Variants in FAM222B observed in about 807,000 individuals in gnomAD.
FAM222B encodes the protein protein FAM222B.
FAM222B carries 12 observed loss-of-function variants against 38.0 expected under a neutral mutation model. The ratio of observed to expected loss-of-function variants is 0.32; its 90% CI spans 0.20 to 0.51. FAM222B has a LOEUF of 0.51. Among genes scored for constraint, FAM222B ranks in the 20% least tolerant of loss-of-function variants. FAM222B has a pLI of 0.97. For synonymous variants in FAM222B, 329 were observed against 317.2 expected, an observed-to-expected ratio of 1.04 and a Z score of -0.40; for missense variants, 716 against 754.2, an observed-to-expected ratio of 0.95 and a Z score of 0.59.
At chr17:28,823,212 C>G (rs1370683708) in intron 1 of FAM222B, among the ~76,000 whole-genome samples, 2 of 152,018 alleles carry the variant, frequency 1.3e-5, no homozygotes, top group Admixed American at 6.6e-5. Flanking sequence ...TTTTCCCCCT[C>G]AATCAACTAC....
chr17:28,766,725 A>G lies in FAM222B; in HGVS notation c.-40-18T>C, dbSNP rs2035347453. On this transcript the variant is annotated intron_variant, in intron 1 of 2. Transcript: ENST00000581407. Reference sequence around the variant, plus strand: ...GGCTCACACTGTAATGAACAAAAACAAGGTCATGAAACACAAGGCAACTCA... The same window carrying G: ...GGCTCACACTGTAATGAACAAAAACGAGGTCATGAAACACAAGGCAACTCA... 1 of 1,386,132 alleles carries G rather than the reference A, an allele frequency of 7.2e-7. No homozygotes were observed. The highest frequency in any genetic ancestry group is 1.2e-5 in the South Asian group (1 of 81,006). 85.9% of individuals were successfully genotyped at this position (1,386,132 alleles called of 1,614,324 possible). A position where few individuals can be genotyped will look rare whatever the true frequency, so the allele number is the denominator to read the frequency against.
chr17:28,795,248 G>A (rs1231620399), intron 1 of FAM222B, among the ~76,000 whole-genome samples: 1 of 152,134 alleles, frequency 6.6e-6, no homozygotes, highest in African/African-American at 2.4e-5. Context: ...CACTTCAAGC[G>A]ATTCTCCCAC....
chr17:28,830,843 A>G (rs992509792), intron 1 of FAM222B, among the ~76,000 whole-genome samples: 5 of 151,176 alleles, frequency 3.3e-5, no homozygotes, highest in Non-Finnish European at 7.4e-5. Flanking sequence ...ATAAAATAAA[A>G]TAAAGTTAAA....
intron 1 of FAM222B, among the ~76,000 whole-genome samples, chr17:28,782,803 G>A (rs1172970016): frequency 1.3e-5 from 2 of 151,984 alleles, no homozygotes; most frequent in African/African-American, 4.8e-5. Context: ...AGGAGTTTGT[G>A]TCCACTCTGT....
At chr17:28,813,095 G>T in intron 1 of FAM222B, among the ~76,000 whole-genome samples, 1 of 117,432 alleles carries the variant, frequency 8.5e-6, no homozygotes, top group Non-Finnish European at 1.7e-5. Flanking sequence ...AGTTGGTGGG[G>T]TGGAGAAGGG....
chr17:28,854,923 C>T, intron 1 of FAM222B: 1 of 1,244,726 alleles, frequency 8.0e-7, no homozygotes, highest in East Asian at 2.5e-5. Flanking sequence ...TCCCATGTGT[C>T]TCGGCTTTCA....
chr17:28,789,786 G>A (rs1438097305), intron 1 of FAM222B, among the ~76,000 whole-genome samples: 1 of 152,208 alleles, frequency 6.6e-6, no homozygotes, highest in East Asian at 1.9e-4. Flanking sequence ...ATCTTATTGT[G>A]CAGGAAAGGA....
At chr17:28,781,768 A>G (rs926893294) in intron 1 of FAM222B, among the ~76,000 whole-genome samples, 8 of 152,220 alleles carry the variant, frequency 5.3e-5, no homozygotes, top group Non-Finnish European at 1.0e-4. Context: ...GTTAAGTGAA[A>G]TAAGTCTGAC....
chr17:28,795,940 T>C (rs1029553148), intron 1 of FAM222B, among the ~76,000 whole-genome samples: 1 of 152,304 alleles, frequency 6.6e-6, no homozygotes, highest in South Asian at 2.1e-4. Context: ...AAAAAGCCAT[T>C]AAGACTGCTC....
At position 28,835,024 on chromosome 17, in the gene FAM222B, T is replaced by TTGTGTGTGTGTGTG. The variant is rs61229770; in HGVS notation, c.-41+7644_-41+7657dup. On this transcript the variant is annotated intron_variant, in intron 1 of 2. Transcript: ENST00000581407. The stretch of plus-strand genomic sequence containing the variant: ...CGCCCACCACTACACTCAGCTAATT[T>TTGTGTGTGTGTGTG]TGTGTGTGTGTGTGTGTGTGTGTGT... 8.2e-3 allele frequency among the ~76,000 whole-genome samples: 1,081 copies of TTGTGTGTGTGTGTG among 132,074 alleles called. 6 individuals carry two copies. Among genetic ancestry groups the TTGTGTGTGTGTGTG allele is most frequent in the South Asian group, 0.017 (64 of 3,696 alleles). The allele number at this position is 132,074 out of a possible 152,430, so 86.6% of individuals were successfully genotyped here.
chr17:28,774,954 T>TTAAA (rs534458509), intron 1 of FAM222B, among the ~76,000 whole-genome samples: 2,848 of 148,896 alleles, frequency 0.019, 59 homozygotes, highest in African/African-American at 0.05. Flanking sequence ...AATAAATAAA[T>TTAAA]TAAATAAATA....
At chr17:28,819,585 G>A (rs1296071672) in intron 1 of FAM222B, among the ~76,000 whole-genome samples, 1 of 152,010 alleles carries the variant, frequency 6.6e-6, no homozygotes, top group Admixed American at 6.6e-5. Context: ...AAAATATTTA[G>A]AAGTTTTATG....
At position 28,830,196 on chromosome 17, in the gene FAM222B, C is replaced by CTGT. The variant is rs1384118795; in HGVS notation, c.-41+12483_-41+12485dup. ...TTTTTTTTTGAGAGCGTGTCTCACT[C>CTGT]TGTTGCCCAGGCTGGAGTGCAGTGG... On this transcript the variant is annotated intron_variant, in intron 1 of 2. Transcript: ENST00000581407. Among the ~76,000 whole-genome samples, 13 of 132,782 alleles carry CTGT rather than the reference C, an allele frequency of 9.8e-5. No individual in the cohort carries two copies. The East Asian group carries it at 2.6e-3, about 27-fold the overall frequency. The allele number at this position is 132,782 out of a possible 152,430, so 87.1% of individuals were successfully genotyped here. A position where few individuals can be genotyped will look rare whatever the true frequency, so the allele number is the denominator to read the frequency against.
upstream of FAM222B, among the ~76,000 whole-genome samples, chr17:28,843,086 T>G (rs538947254): frequency 1.3e-5 from 2 of 152,060 alleles, no homozygotes; most frequent in South Asian, 4.2e-4. Context: ...TACTTGCACT[T>G]AAAGGCCTGA....
intron 1 of FAM222B, among the ~76,000 whole-genome samples, chr17:28,829,789 G>GT (rs958668795): frequency 3.3e-5 from 5 of 151,994 alleles, no homozygotes; most frequent in African/African-American, 4.8e-5. Flanking sequence ...TCACATACAA[G>GT]TTTTTTTGTG....
intron 2 of FAM222B, among the ~76,000 whole-genome samples, chr17:28,764,237 A>T (rs556076982): frequency 7.4e-6 from 1 of 134,284 alleles, no homozygotes; most frequent in South Asian, 2.5e-4. Context: ...GCGCCACTGC[A>T]CTCCAGTCTG....
At chr17:28,819,540 T>C (rs940191137) in intron 1 of FAM222B, among the ~76,000 whole-genome samples, 21 of 151,998 alleles carry the variant, frequency 1.4e-4, no homozygotes, top group African/African-American at 4.8e-4. Flanking sequence ...AAAAAAATAA[T>C]GATAAAGATG....
chr17:28,831,199 T>G (rs1272477690), intron 1 of FAM222B, among the ~76,000 whole-genome samples: 2 of 152,054 alleles, frequency 1.3e-5, no homozygotes, highest in African/African-American at 4.8e-5. Flanking sequence ...TTCACCATGT[T>G]GGCCAAGCTG....
At chr17:28,812,715 C>A (rs1044806088) in intron 1 of FAM222B, among the ~76,000 whole-genome samples, 2 of 151,966 alleles carry the variant, frequency 1.3e-5, no homozygotes, top group Non-Finnish European at 2.9e-5. Context: ...GTAGCTGGGC[C>A]AGGTGAAGCT....
Sources: gnomAD v4.1 joint callset for allele counts (sites outside exome capture counted in the v4.1 genomes callset) on GRCh38, gnomAD v4.1.1 for gene constraint, MANE v1.5 for transcripts, NCBI Gene and HGNC (gene_info 2026-07-23, HGNC 2026-07-21) for gene names.